NABP1: variants seen among roughly 807,000 people sequenced by gnomAD.
The protein encoded by NABP1 is nucleic acid binding protein 1.
In NABP1, 18 loss-of-function variants were observed where a neutral mutation model predicts 25.0. That is an observed-to-expected ratio of 0.72 (90% CI 0.50 to 1.07). The LOEUF (loss-of-function observed/expected upper bound fraction) is 1.07. Among genes scored for constraint, NABP1 ranks in the 50% least tolerant of loss-of-function variants. NABP1 has a pLI of 0.00. For missense variants in NABP1, 270 were observed against 255.6 expected (o/e 1.06, Z -0.39); for synonymous variants, 71 against 85.0 (o/e 0.84, Z 0.91).
intron 2 of NABP1, among the ~76,000 whole-genome samples, chr2:191,681,219 A>G (rs993558891): frequency 1.6e-4 from 24 of 152,222 alleles, no homozygotes; most frequent in African/African-American, 5.3e-4. Flanking sequence ...AGTTAAAGTC[A>G]TGAAGTTACC....
Position 191,679,117 on chromosome 2 carries a change from G to T in NABP1, c.219G>T (p.Arg73=), listed in dbSNP as rs1210709047. Residue 73 remains arginine, a synonymous_variant, in exon 2 of 6, where the codon CGG becomes CGT. Transcript: ENST00000425611. ...TTATACAGCCAGGGGATATTATTCG[G>T]TTGACCAGAGGGTAGGTGTGCAAAA... ...GGLIQPGDII[R]LTRGYASMWK... 8 of 1,614,046 alleles carry T rather than the reference G, an allele frequency of 5.0e-6. No homozygotes were observed. Among genetic ancestry groups the T allele is most frequent in the Non-Finnish European group, 5.9e-6 (7 of 1,180,020 alleles).
chr2:191,678,525 C>T lies in NABP1; in HGVS notation c.-90C>T. 1 of 896,888 alleles carries T rather than the reference C, an allele frequency of 1.1e-6. No homozygotes were observed. Among genetic ancestry groups the T allele is most frequent in the East Asian group, 2.7e-5 (1 of 37,152 alleles). The allele number at this position is 896,888 out of a possible 1,614,324, so 55.6% of individuals were successfully genotyped here. A position where few individuals can be genotyped will look rare whatever the true frequency, so the allele number is the denominator to read the frequency against. On this transcript the variant is annotated 5_prime_UTR_variant, in exon 1 of 6. Transcript: ENST00000425611. ...GCCACCCCTGCCCAAGGTCGCCCCT[C>T]TGCCTTCGCCCCTGTCCCGGGAGGG...
chr2:191,685,574 G>T (rs1369857349), intron 5 of NABP1, 25 bp from the exon 6 acceptor site: 2 of 1,585,392 alleles, frequency 1.3e-6, no homozygotes, highest in Non-Finnish European at 1.7e-6. Context: ...TGAAAATAGT[G>T]ATGAATTTTT....
intron 5 of NABP1, 54 bp downstream of exon 5, chr2:191,684,350 C>A: frequency 1.6e-6 from 2 of 1,283,436 alleles, no homozygotes; most frequent in Non-Finnish European, 2.1e-6. Context: ...ATGAAGAGAG[C>A]TGTAAAGATT....
intron 3 of NABP1, chr2:191,682,440 T>C (rs1196456504): frequency 2.2e-6 from 1 of 464,986 alleles, no homozygotes; most frequent in African/African-American, 2.0e-5. Flanking sequence ...TATGTACTCA[T>C]GTTAAAAAGG....
In NABP1 at chr2:191,682,004, C is replaced by A; in HGVS notation, c.289C>A (p.Gln97Lys). ...TLYTGRGGEL[Q>K]KIGEFCMVYS... The stretch of plus-strand genomic sequence containing the variant: ...TTATACTGGAAGGGGTGGTGAACTT[C>A]AAAAAATTGGGGAGTAAGTATTAAA... Residue 97 changes from glutamine to lysine, a missense_variant, in exon 3 of 6, where the codon CAA (glutamine) becomes AAA (lysine). By Grantham distance (53) the Gln-to-Lys change is moderately conservative. Coordinates refer to ENST00000425611, the MANE Select transcript of NABP1 (RefSeq NM_001031716.5). The A allele has an allele frequency of 6.7e-7, 1 of 1,495,950 alleles. No individual in the cohort carries two copies. Among genetic ancestry groups the A allele is most frequent in the Non-Finnish European group, 8.9e-7 (1 of 1,127,416 alleles). 92.7% of individuals were successfully genotyped at this position (1,495,950 alleles called of 1,614,324 possible). A position where few individuals can be genotyped will look rare whatever the true frequency, so the allele number is the denominator to read the frequency against.
At chr2:191,681,765 C>A (rs897040053) in intron 2 of NABP1, among the ~76,000 whole-genome samples, 181 bp from the exon 3 acceptor site, 2 of 151,988 alleles carry the variant, frequency 1.3e-5, no homozygotes, top group Non-Finnish European at 2.9e-5. Flanking sequence ...TTTTTGTATT[C>A]TTTTGTAAAT....
In NABP1 at chr2:191,686,598, G is replaced by A. The variant is rs972135342; in HGVS notation, c.*830G>A. On this transcript the variant is annotated 3_prime_UTR_variant, in exon 6 of 6. Transcript: ENST00000425611. ...GTTGTGGTAGATAAACATACTGGAG[G>A]TGAGTCAAATTGAATTCATATAGTA... 6.6e-6 allele frequency: 1 copy of A among 152,158 alleles called. No homozygotes were observed. The highest frequency in any genetic ancestry group is 1.5e-5 in the Non-Finnish European group (1 of 68,022). The allele number at this position is 152,158 out of a possible 1,614,324, so 9.4% of individuals were successfully genotyped here.
At chr2:191,682,149 G>A (rs939300916) in intron 3 of NABP1, 132 bp downstream of exon 3, 3 of 501,436 alleles carry the variant, frequency 6.0e-6, no homozygotes, top group Non-Finnish European at 1.1e-5. Context: ...TAGCTTAATT[G>A]AAAAAATAAC....
intron 2 of NABP1, among the ~76,000 whole-genome samples, chr2:191,681,705 T>C (rs113271994): frequency 0.014 from 2,173 of 152,320 alleles, 26 homozygotes; most frequent in African/African-American, 0.033. Flanking sequence ...AAAAGACTTA[T>C]TTTCCAGAAT....
chr2:191,685,669 G>A lies in NABP1; in HGVS notation c.516G>A (p.Arg172=). ...QFSHAGRSNG[R]GLINPQLQGT... Reference sequence around the variant, plus strand: ...CACATGCTGGCAGAAGCAATGGCCGGGGACTTATAAATCCACAACTACAAG... The same window carrying A: ...CACATGCTGGCAGAAGCAATGGCCGAGGACTTATAAATCCACAACTACAAG... Residue 172 remains arginine, a synonymous_variant, in exon 6 of 6, where the codon CGG becomes CGA. Transcript: ENST00000425611. 1.9e-6 allele frequency: 3 copies of A among 1,613,938 alleles called. No individual in the cohort carries two copies. Among genetic ancestry groups the A allele is most frequent in the Non-Finnish European group, 2.5e-6 (3 of 1,179,936 alleles).
intron 5 of NABP1, 136 bp from the exon 6 acceptor site, chr2:191,685,463 G>GTTT: frequency 9.5e-6 from 7 of 738,158 alleles, no homozygotes; most frequent in South Asian, 2.3e-5. Context: ...AGCCCACATT[G>GTTT]TTTTTTTTTT....
At chr2:191,681,057 A>G (rs1016665586) in intron 2 of NABP1, among the ~76,000 whole-genome samples, 1 of 152,234 alleles carries the variant, frequency 6.6e-6, no homozygotes, top group Non-Finnish European at 1.5e-5. Context: ...AATTGTAACC[A>G]AATTTTTTCT....
chr2:191,685,646 C>T lies in NABP1; in HGVS notation c.493C>T (p.His165Tyr). ...TGAATCAAGGGAACACCAGTTTTCA[C>T]ATGCTGGCAGAAGCAATGGCCGGGG... ...GPESREHQFS[H>Y]AGRSNGRGLI... The change falls in exon 6 of 6, where the codon CAT (histidine) becomes TAT (tyrosine). Residue 165 changes from histidine (H) to tyrosine (Y), a missense_variant. His to Tyr is a moderately conservative substitution (Grantham distance 83). Coordinates refer to ENST00000425611, the MANE Select transcript of NABP1 (RefSeq NM_001031716.5). The T allele has an allele frequency of 6.2e-7, 1 of 1,613,894 alleles. No individual in the cohort carries two copies.
chr2:191,683,871 A>C lies in NABP1; in HGVS notation c.378+67A>C. The C allele has an allele frequency of 8.5e-7, 1 of 1,179,390 alleles. No homozygotes were observed. Among genetic ancestry groups the C allele is most frequent in the Non-Finnish European group, 1.2e-6 (1 of 813,110 alleles). The allele number at this position is 1,179,390 out of a possible 1,614,324, so 73.1% of individuals were successfully genotyped here. ...TGTGTTATAATTCTATGATTAGGCT[A>C]GCCCTGTTGATACTTAGTATAAAGA... is the stretch of plus-strand genomic sequence containing the variant. On this transcript the variant is annotated intron_variant, in intron 4 of 5. Transcript: ENST00000425611. The surrounding 1 kb of genome is among the most constrained non-coding windows in gnomAD (Gnocchi z 4.1).
At chr2:191,679,180 G>T in intron 2 of NABP1, 52 bp downstream of exon 2, 1 of 1,609,206 alleles carries the variant, frequency 6.2e-7, no homozygotes, top group Non-Finnish European at 8.5e-7. Flanking sequence ...ATCGGGATTG[G>T]CCGGCTCCTG....
At chr2:191,681,574 G>A (rs555937625) in intron 2 of NABP1, among the ~76,000 whole-genome samples, 1 of 152,248 alleles carries the variant, frequency 6.6e-6, no homozygotes, top group African/African-American at 2.4e-5. Context: ...GAAACATTAG[G>A]ATGATTTTAC....
At chr2:191,679,202 A>G (rs1687599289) in intron 2 of NABP1, 74 bp downstream of exon 2, 1 of 1,579,952 alleles carries the variant, frequency 6.3e-7, no homozygotes, top group South Asian at 1.1e-5. Flanking sequence ...GATCTTGGCA[A>G]GCCCTGAAGT....
intron 2 of NABP1, among the ~76,000 whole-genome samples, chr2:191,681,241 A>G (rs1258672598): frequency 6.6e-6 from 1 of 152,206 alleles, no homozygotes; most frequent in African/African-American, 2.4e-5. Flanking sequence ...TAGTAGTTGT[A>G]CAGAGAACCA....
Sources: allele counts gnomAD v4.1 joint callset (sites outside exome capture counted in the v4.1 genomes callset), GRCh38; gene constraint gnomAD v4.1.1; non-coding constraint Gnocchi (gnomAD v3.1); transcripts MANE v1.5; gene names NCBI Gene and HGNC (gene_info 2026-07-23, HGNC 2026-07-21).